ST6GALNAC3: variants seen among roughly 807,000 people sequenced by gnomAD.
The protein encoded by ST6GALNAC3 is alpha-N-acetylgalactosaminide alpha-2,6-sialyltransferase 3.
In ST6GALNAC3, 25 loss-of-function variants were observed where a neutral mutation model predicts 32.7. The observed-to-expected ratio is 0.76, with a 90% CI of 0.56 to 1.07. The LOEUF is 1.07. Among genes scored for constraint, ST6GALNAC3 ranks in the 50% least tolerant of loss-of-function variants. The probability of loss-of-function intolerance (pLI) is 0.00; values close to 1 mark genes in which losing one functional copy is unlikely to be tolerated. For missense variants in ST6GALNAC3, 355 were observed against 382.4 expected (o/e 0.93, Z 0.60); for synonymous variants, 129 against 133.1 (o/e 0.97, Z 0.21).
Position 76,367,673 on chromosome 1 carries a change from T to G in ST6GALNAC3, c.214-44335T>G, listed in dbSNP as rs554327071. 1.2e-3 allele frequency among the ~76,000 whole-genome samples: 189 copies of G among 152,266 alleles called. 2 individuals carry two copies. The highest frequency in any genetic ancestry group is 4.4e-3 in the African/African-American group (182 of 41,556). On this transcript the variant is annotated intron_variant, in intron 2 of 4. Coordinates refer to ENST00000328299, the MANE Select transcript of ST6GALNAC3 (RefSeq NM_152996.4). ...ATCAAGCAATGATGATATGGCCAGA[T>G]GGAGTGTGCCACCTCCCTTCAGCAT... is the stretch of plus-strand genomic sequence containing the variant.
chr1:76,119,125 G>A (rs61771327), intron 1 of ST6GALNAC3, among the ~76,000 whole-genome samples: 2,681 of 152,184 alleles, frequency 0.018, 45 homozygotes, highest in Middle Eastern at 0.045. Context: ...CTGGCCGATG[G>A]CAAGTTTTTA....
chr1:76,296,908 G>A (rs1170936409), intron 1 of ST6GALNAC3, among the ~76,000 whole-genome samples: 4 of 151,974 alleles, frequency 2.6e-5, no homozygotes, highest in Non-Finnish European at 4.4e-5. Flanking sequence ...ATAAATGTGT[G>A]TTGATTGGTG....
At chr1:76,374,766 C>T (rs1217207443) in intron 2 of ST6GALNAC3, among the ~76,000 whole-genome samples, 4 of 152,130 alleles carry the variant, frequency 2.6e-5, no homozygotes, top group Non-Finnish European at 5.9e-5. Flanking sequence ...AATATTGACA[C>T]ACATCCACCC....
intron 3 of ST6GALNAC3, among the ~76,000 whole-genome samples, chr1:76,418,834 T>A (rs1654828049): frequency 6.6e-6 from 1 of 151,972 alleles, no homozygotes; most frequent in Non-Finnish European, 1.5e-5. Flanking sequence ...TAACAAGCAT[T>A]ATGAAACAGG....
chr1:76,194,137 G>T (rs946134994), intron 1 of ST6GALNAC3, among the ~76,000 whole-genome samples: 1 of 152,094 alleles, frequency 6.6e-6, no homozygotes, highest in East Asian at 1.9e-4. Context: ...CTTTCTCAAG[G>T]TCACATGAGT....
chr1:76,223,139 C>T (rs1184433174), intron 1 of ST6GALNAC3, among the ~76,000 whole-genome samples: 2 of 152,100 alleles, frequency 1.3e-5, no homozygotes, highest in East Asian at 1.9e-4. Context: ...ATGGGATCCA[C>T]CTAAATGCCC....
chr1:76,489,908 G>A (rs901753682), intron 3 of ST6GALNAC3, among the ~76,000 whole-genome samples: 23 of 152,262 alleles, frequency 1.5e-4, no homozygotes, highest in East Asian at 3.9e-4. Context: ...GAGATCCCCC[G>A]ACAGGCCATT....
intron 3 of ST6GALNAC3, among the ~76,000 whole-genome samples, chr1:76,591,845 C>T (rs1352196150): frequency 1.3e-5 from 2 of 152,098 alleles, no homozygotes; most frequent in Non-Finnish European, 2.9e-5. Flanking sequence ...ACTAGGGCAC[C>T]TCATCTATGT....
intron 3 of ST6GALNAC3, among the ~76,000 whole-genome samples, chr1:76,508,306 G>C (rs1331258125): frequency 3.3e-5 from 5 of 152,258 alleles, no homozygotes; most frequent in Admixed American, 3.3e-4. Flanking sequence ...AACTCAGGCA[G>C]TAATGCTCGC....
intron 2 of ST6GALNAC3, among the ~76,000 whole-genome samples, chr1:76,326,783 G>T (rs1032237593): frequency 1.4e-5 from 2 of 145,130 alleles, no homozygotes; most frequent in Non-Finnish European, 3.0e-5. Flanking sequence ...CCTGCATTTG[G>T]TTGCTATACT....
intron 3 of ST6GALNAC3, among the ~76,000 whole-genome samples, chr1:76,552,361 G>A (rs563693802): frequency 6.6e-6 from 1 of 152,270 alleles, no homozygotes; most frequent in Non-Finnish European, 1.5e-5. Context: ...TGAATTGGAT[G>A]CCTCACTTCC....
chr1:76,139,023 T>C (rs1650130366), intron 1 of ST6GALNAC3, among the ~76,000 whole-genome samples: 1 of 151,760 alleles, frequency 6.6e-6, no homozygotes. Context: ...TGAAACCCCG[T>C]CTCTACTAAA....
intron 3 of ST6GALNAC3, among the ~76,000 whole-genome samples, chr1:76,587,187 C>G (rs1250082211): frequency 6.6e-6 from 1 of 152,186 alleles, no homozygotes; most frequent in African/African-American, 2.4e-5. Flanking sequence ...AGCTACAGTC[C>G]CTTAAATGAG....
chr1:76,618,655 A>G (rs1252121934), intron 3 of ST6GALNAC3, among the ~76,000 whole-genome samples: 2 of 152,126 alleles, frequency 1.3e-5, no homozygotes, highest in African/African-American at 4.8e-5. Flanking sequence ...CCGTGGCTCC[A>G]GTTTTGGGCT....
intron 1 of ST6GALNAC3, among the ~76,000 whole-genome samples, chr1:76,102,451 C>CT (rs1328501342): frequency 2.0e-5 from 3 of 152,020 alleles, no homozygotes; most frequent in Non-Finnish European, 2.9e-5. Flanking sequence ...TGCTATCTTT[C>CT]TTTTAGTCCT....
chr1:76,283,234 G>C (rs886672031), intron 1 of ST6GALNAC3, among the ~76,000 whole-genome samples: 1 of 152,080 alleles, frequency 6.6e-6, no homozygotes, highest in African/African-American at 2.4e-5. Flanking sequence ...TGATGTTACA[G>C]AGTATAGAAA....
At chr1:76,306,806 A>C (rs1354569253) in intron 1 of ST6GALNAC3, among the ~76,000 whole-genome samples, 1 of 151,840 alleles carries the variant, frequency 6.6e-6, no homozygotes, top group Non-Finnish European at 1.5e-5. Flanking sequence ...TAATAAAAAA[A>C]CTCATTGAGT....
intron 1 of ST6GALNAC3, among the ~76,000 whole-genome samples, chr1:76,209,005 T>C (rs538028334): frequency 6.6e-6 from 1 of 152,300 alleles, no homozygotes; most frequent in East Asian, 1.9e-4. Context: ...AATTTATCTT[T>C]TGTAGTTCTC....
At chr1:76,310,575 A>G (rs1353957217) in intron 1 of ST6GALNAC3, among the ~76,000 whole-genome samples, 1 of 152,158 alleles carries the variant, frequency 6.6e-6, no homozygotes. Flanking sequence ...TCCATTGCCC[A>G]TACAGAGGCT....
Sources: gnomAD v4.1 joint callset for allele counts (sites outside exome capture counted in the v4.1 genomes callset) on GRCh38, gnomAD v4.1.1 for gene constraint, MANE v1.5 for transcripts, NCBI Gene and HGNC (gene_info 2026-07-23, HGNC 2026-07-21) for gene names.